ATP5MC3: variants seen among roughly 807,000 people sequenced by gnomAD.
The protein encoded by ATP5MC3 is ATP synthase membrane subunit c locus 3, also known as ATP synthase F(0) complex subunit C3, mitochondrial.
Under a neutral mutation model 15.6 loss-of-function variants are expected in ATP5MC3, and 6 were observed. That is an observed-to-expected ratio of 0.38 (90% CI 0.21 to 0.76). The LOEUF is 0.76. ATP5MC3 is among the 30% of genes least tolerant of loss of function. ATP5MC3 has a pLI of 0.44. For missense variants in ATP5MC3, 132 were observed against 171.2 expected (o/e 0.77, Z 1.28); for synonymous variants, 66 against 63.3 (o/e 1.04, Z -0.20).
Position 175,177,033 on chromosome 2 carries a change from CTT to C in ATP5MC3, c.*1253_*1254del, listed in dbSNP as rs1390417185. On this transcript the variant is annotated 3_prime_UTR_variant, in exon 5 of 5. Transcript: ENST00000284727. ...TAAAAACGAGGTAGCAGCTCTACCT[CTT>C]TAGCTTTTTGGGGCCTCATTTCACT... 6.6e-6 allele frequency: 1 copy of C among 152,162 alleles called. No individual in the cohort carries two copies. Among genetic ancestry groups the C allele is most frequent in the Non-Finnish European group, 1.5e-5 (1 of 68,014 alleles). The allele number at this position is 152,162 out of a possible 1,614,324, so 9.4% of individuals were successfully genotyped here. A position where few individuals can be genotyped will look rare whatever the true frequency, so the allele number is the denominator to read the frequency against.
rs1304852935 is a variant in ATP5MC3, at chr2:175,177,941, T to G, written c.*347A>C. 1 of 159,508 alleles carries G rather than the reference T, an allele frequency of 6.3e-6. No homozygotes were observed. The highest frequency in any genetic ancestry group is 2.4e-5 in the African/African-American group (1 of 41,630). The allele number at this position is 159,508 out of a possible 1,614,324, so 9.9% of individuals were successfully genotyped here. Reference sequence around the variant, plus strand: ...GAAGCTCAAAACACCCAAATATTTATCCTTTATATGAATAAACAAAAGCCC... The same window carrying G: ...GAAGCTCAAAACACCCAAATATTTAGCCTTTATATGAATAAACAAAAGCCC... On this transcript the variant is annotated 3_prime_UTR_variant, in exon 5 of 5. Coordinates refer to ENST00000284727, the MANE Select transcript of ATP5MC3 (RefSeq NM_001689.5).
chr2:175,178,181 A>G lies in ATP5MC3; in HGVS notation c.*107T>C, dbSNP rs1700716035. 3.4e-6 allele frequency: 5 copies of G among 1,470,564 alleles called. No homozygotes were observed. The South Asian group carries it at 7.6e-5, about 22-fold the overall frequency. 91.1% of individuals were successfully genotyped at this position (1,470,564 alleles called of 1,614,324 possible). On this transcript the variant is annotated 3_prime_UTR_variant, in exon 5 of 5. Transcript: ENST00000284727. ...TCTTTAATGAAATGACTTTGGAAAT[A>G]ACGTACATTCCCATGACACCAATAC...
intron 2 of ATP5MC3, 108 bp downstream of exon 2, chr2:175,181,247 C>T: frequency 7.4e-7 from 1 of 1,355,950 alleles, no homozygotes; most frequent in Non-Finnish European, 1.0e-6. Context: ...AAAGCCGTTC[C>T]CGAGAGGGCG....
At chr2:175,180,048 C>T in intron 3 of ATP5MC3, 50 bp downstream of exon 3, 2 of 1,413,298 alleles carry the variant, frequency 1.4e-6, no homozygotes, top group Non-Finnish European at 1.9e-6. Context: ...TAATCAAAAC[C>T]CTACCCTTAT....
chr2:175,181,360 A>AG lies in ATP5MC3; in HGVS notation c.33dup (p.Ser12LeufsTer25), dbSNP rs2105417664. 1 of 1,613,722 alleles carries AG rather than the reference A, an allele frequency of 6.2e-7. No individual in the cohort carries two copies. The highest frequency in any genetic ancestry group is 8.5e-7 in the Non-Finnish European group (1 of 1,179,866). On this transcript the variant is annotated frameshift_variant, in exon 2 of 5. Transcript: ENST00000284727. LOFTEE classifies it high-confidence loss of function. ...ACCCTGCCTGGGCTACGCACCAGAG[A>AG]GGGGGTGCAGGCGAGCTTGGCGCAG...
chr2:175,181,547 C>G, intron 1 of ATP5MC3, 81 bp from the exon 2 acceptor site: 1 of 900,480 alleles, frequency 1.1e-6, no homozygotes, highest in Non-Finnish European at 1.7e-6. Context: ...CTCCCGTGCA[C>G]GCCGTCAGCT....
chr2:175,178,190 TC>T lies in ATP5MC3; in HGVS notation c.*97del. On this transcript the variant is annotated 3_prime_UTR_variant, in exon 5 of 5. Transcript: ENST00000284727. Reference sequence around the variant, plus strand: ...AAATGACTTTGGAAATAACGTACATTCCCATGACACCAATACTACAGTTTTC... The same window carrying T: ...AAATGACTTTGGAAATAACGTACATTCCATGACACCAATACTACAGTTTTC... 4.0e-6 allele frequency: 6 copies of T among 1,491,396 alleles called. No homozygotes were observed. The highest frequency in any genetic ancestry group is 5.3e-6 in the Non-Finnish European group (6 of 1,123,736). The allele number at this position is 1,491,396 out of a possible 1,614,324, so 92.4% of individuals were successfully genotyped here.
At chr2:175,180,228 TA>T in intron 2 of ATP5MC3, 50 bp from the exon 3 acceptor site, 1 of 1,411,080 alleles carries the variant, frequency 7.1e-7, no homozygotes, top group Admixed American at 2.5e-5. Flanking sequence ...AGAATACAGG[TA>T]AGACTTCAAT....
intron 3 of ATP5MC3, 142 bp downstream of exon 3, chr2:175,179,956 T>C (rs1235479804): frequency 1.2e-5 from 8 of 653,866 alleles, no homozygotes; most frequent in Admixed American, 7.9e-5. Context: ...TTTTGGCTAT[T>C]TGGCTCATCT....
chr2:175,178,609 T>C, intron 4 of ATP5MC3: 4 of 1,288,312 alleles, frequency 3.1e-6, no homozygotes, highest in Non-Finnish European at 3.9e-6. Context: ...ATATAAATGG[T>C]TAGTTTTCAT....
intron 4 of ATP5MC3, chr2:175,178,684 A>G: frequency 8.5e-7 from 1 of 1,176,970 alleles, no homozygotes. Context: ...TTAAGATCTG[A>G]CAGTTTAGGT....
At position 175,180,121 on chromosome 2, in the gene ATP5MC3, G is replaced by A; in HGVS notation, c.97C>T (p.Pro33Ser). The A allele has an allele frequency of 1.2e-6, 2 of 1,601,610 alleles. No individual in the cohort carries two copies. The highest frequency in any genetic ancestry group is 1.1e-5 in the South Asian group (1 of 87,868). ...RPISASVLSR[P>S]EASRTGEGST... ...ACCTCTCCAGTCCTACTAGCCTCTG[G>A]TCGAGATAACACTGATGCAGAAATT... The change falls in exon 3 of 5, where the codon CCA becomes TCA. Residue 33 changes from proline (P) to serine (S), a missense_variant. Physicochemically the swap from Pro to Ser is moderately conservative, Grantham distance 74. Coordinates refer to ENST00000284727, the MANE Select transcript of ATP5MC3 (RefSeq NM_001689.5).
In ATP5MC3 at chr2:175,178,238, G is replaced by T; in HGVS notation, c.*50C>A. 1 of 1,589,028 alleles carries T rather than the reference G, an allele frequency of 6.3e-7. No homozygotes were observed. Among genetic ancestry groups the T allele is most frequent in the South Asian group, 1.2e-5 (1 of 85,970 alleles). The stretch of plus-strand genomic sequence containing the variant: ...TTTCGGAGTCACAGTAAGATACACA[G>T]AATTACATCCGTAATTAATATGAAT... On this transcript the variant is annotated 3_prime_UTR_variant, in exon 5 of 5. Coordinates refer to ENST00000284727, the MANE Select transcript of ATP5MC3 (RefSeq NM_001689.5).
chr2:175,179,952 C>A, intron 3 of ATP5MC3, 146 bp downstream of exon 3: 1 of 623,520 alleles, frequency 1.6e-6, no homozygotes, highest in South Asian at 2.4e-5. Flanking sequence ...CTATTTTTGG[C>A]TATTTGGCTC....
chr2:175,179,891 G>A (rs1435219036), intron 3 of ATP5MC3: 3 of 506,664 alleles, frequency 5.9e-6, no homozygotes, highest in African/African-American at 2.0e-5. Context: ...TAAATACTTG[G>A]CCAAGTTTTG....
At position 175,180,183 on chromosome 2, in the gene ATP5MC3, T is replaced by C; in HGVS notation, c.40-5A>G. 1.3e-6 allele frequency: 2 copies of C among 1,566,316 alleles called. No individual in the cohort carries two copies. Among genetic ancestry groups the C allele is most frequent in the South Asian group, 2.4e-5 (2 of 81,744 alleles). On this transcript the variant is annotated splice_polypyrimidine_tract_variant and splice_region_variant and intron_variant, in intron 2 of 4. Transcript: ENST00000284727. ...AACTCTGGATCCAGCTCGGATCTAT[T>C]AATGAAAAAAAAATAAAGATTTCAA...
Position 175,176,448 on chromosome 2 carries a change from T to C in ATP5MC3, c.*1840A>G, listed in dbSNP as rs968544700. The C allele has an allele frequency of 1.3e-5, 2 of 152,212 alleles. No individual in the cohort carries two copies. The highest frequency in any genetic ancestry group is 2.9e-5 in the Non-Finnish European group (2 of 68,028). 9.4% of individuals were successfully genotyped at this position (152,212 alleles called of 1,614,324 possible). A position where few individuals can be genotyped will look rare whatever the true frequency, so the allele number is the denominator to read the frequency against. The stretch of plus-strand genomic sequence containing the variant: ...TCAGTGACATTTATTATATTTACAA[T>C]GTTGTGCAACCATCACCACTAATTC... On this transcript the variant is annotated 3_prime_UTR_variant, in exon 5 of 5. Coordinates refer to ENST00000284727, the MANE Select transcript of ATP5MC3 (RefSeq NM_001689.5).
chr2:175,179,979 A>T, intron 3 of ATP5MC3, 119 bp downstream of exon 3: 1 of 830,302 alleles, frequency 1.2e-6, no homozygotes, highest in Non-Finnish European at 1.8e-6. Flanking sequence ...TTTTTTGGAT[A>T]AAAGGGTGGG....
intron 4 of ATP5MC3, 71 bp from the exon 5 acceptor site, chr2:175,178,473 C>G (rs1700721236): frequency 5.9e-6 from 9 of 1,533,426 alleles, no homozygotes; most frequent in Non-Finnish European, 7.0e-6. Flanking sequence ...GTTAAAGAAT[C>G]AGATTACTAG....
Sources: gnomAD v4.1 joint callset for allele counts on GRCh38, gnomAD v4.1.1 for gene constraint, MANE v1.5 for transcripts, NCBI Gene and HGNC (gene_info 2026-07-23, HGNC 2026-07-21) for gene names.